Variants in CRYBG3 observed in about 807,000 individuals in gnomAD.
CRYBG3 encodes the protein crystallin beta-gamma domain containing 3, also known as very large A-kinase anchor protein.
A neutral mutation model predicts 244.2 loss-of-function variants in CRYBG3; 127 were observed. That is an observed-to-expected ratio of 0.52 (90% CI 0.45 to 0.60). The LOEUF is 0.60. Among genes scored for constraint, CRYBG3 ranks in the 20% least tolerant of loss-of-function variants. The pLI, the probability that CRYBG3 is intolerant of heterozygous loss-of-function variation, is 0.00. For missense variants in CRYBG3, 3,325 were observed against 3,442.5 expected (o/e 0.97, Z 0.85); for synonymous variants, 1,132 against 1,195.8 (o/e 0.95, Z 1.10).
At chr3:97,901,358 A>G (rs2039705193) in intron 15 of CRYBG3, among the ~76,000 whole-genome samples, 3 of 152,178 alleles carry the variant, frequency 2.0e-5, no homozygotes, top group Non-Finnish European at 4.4e-5. Flanking sequence ...CCTTTACATA[A>G]TGCTCAGTGT....
Position 97,874,293 on chromosome 3 carries a change from T to A in CRYBG3, c.3099T>A (p.Ser1033=). 1 of 1,528,982 alleles carries A rather than the reference T, an allele frequency of 6.5e-7. No individual in the cohort carries two copies. The highest frequency in any genetic ancestry group is 1.2e-5 in the South Asian group (1 of 82,008). 94.7% of individuals were successfully genotyped at this position (1,528,982 alleles called of 1,614,324 possible). ...ACTCAAGCTTCCTTAAAGTACCTTC[T>A]GTGCTGAAATTGGAAAAGAAATCCT... ...SEDSSFLKVP[S]VLKLEKKSSS... The change falls in exon 4 of 22, where the codon TCT becomes TCA. Residue 1033 remains serine, a synonymous_variant. Transcript: ENST00000389622.
chr3:97,827,976 G>A (rs1021826251), intron 1 of CRYBG3, among the ~76,000 whole-genome samples: 10 of 152,222 alleles, frequency 6.6e-5, no homozygotes, highest in Admixed American at 2.6e-4. Context: ...AGATGGACTG[G>A]GTCAGAGCTA....
intron 1 of CRYBG3, among the ~76,000 whole-genome samples, chr3:97,833,597 A>T (rs2038686694): frequency 6.6e-6 from 1 of 152,104 alleles, no homozygotes; most frequent in Admixed American, 6.6e-5. Flanking sequence ...GAGGGATAGC[A>T]TTAGGAGAAA....
chr3:97,849,165 A>C (rs2038947803), intron 2 of CRYBG3, among the ~76,000 whole-genome samples: 1 of 152,188 alleles, frequency 6.6e-6, no homozygotes. Context: ...TTTTAGAATT[A>C]ACTAAGATAA....
In CRYBG3 at chr3:97,938,419, A is replaced by G. The variant is rs537626093; in HGVS notation, c.8505+1511A>G. Among the ~76,000 whole-genome samples, 92 of 152,186 alleles carry G rather than the reference A, an allele frequency of 6.0e-4. 1 individual carries two copies. Among genetic ancestry groups the G allele is most frequent in the African/African-American group, 2.1e-3 (88 of 41,552 alleles). ...AGCTGAATATAGCCTAGTGGATCTA[A>G]ATGCTGAGGCTCTGATGTTCTGACC... is the stretch of plus-strand genomic sequence containing the variant. On this transcript the variant is annotated intron_variant, in intron 19 of 21. Coordinates refer to ENST00000389622, the MANE Select transcript of CRYBG3 (RefSeq NM_153605.4).
intron 1 of CRYBG3, among the ~76,000 whole-genome samples, chr3:97,833,802 G>A (rs1027551683): frequency 2.0e-5 from 3 of 152,128 alleles, no homozygotes; most frequent in Non-Finnish European, 4.4e-5. Context: ...GAATACCTGA[G>A]GGTGGGTAGT....
At chr3:97,915,519 C>T (rs2039919035) in intron 16 of CRYBG3, 91 bp from the exon 17 acceptor site, 3 of 1,389,132 alleles carry the variant, frequency 2.2e-6, no homozygotes, top group East Asian at 2.4e-5. Context: ...TTTCTATGCC[C>T]TACCCCTACC....
In CRYBG3 at chr3:97,874,966, C is replaced by T; in HGVS notation, c.3772C>T (p.Gln1258Ter). ...PSEVTLTEIQ[Q>*]TEGLEEQGME... ...AGAAGTGACACTAACAGAAATACAA[C>T]AGACAGAGGGTTTGGAAGAGCAAGG... The change falls in exon 4 of 22, where the codon CAG becomes TAG. Residue 1258 changes from glutamine to a stop codon, truncating the protein, a stop_gained. Transcript: ENST00000389622. LOFTEE classifies it high-confidence loss of function. 1 of 1,535,910 alleles carries T rather than the reference C, an allele frequency of 6.5e-7. No homozygotes were observed. Among genetic ancestry groups the T allele is most frequent in the African/African-American group, 1.4e-5 (1 of 73,150 alleles).
At chr3:97,910,114 T>C (rs943152746) in intron 15 of CRYBG3, among the ~76,000 whole-genome samples, 1 of 151,612 alleles carries the variant, frequency 6.6e-6, no homozygotes, top group Non-Finnish European at 1.5e-5. Context: ...TTCTCAGATC[T>C]CCAGCTGCGT....
intron 18 of CRYBG3, among the ~76,000 whole-genome samples, chr3:97,935,788 G>A (rs559512023): frequency 1.3e-4 from 20 of 152,132 alleles, no homozygotes; most frequent in African/African-American, 4.6e-4. Flanking sequence ...CTGATAAGCA[G>A]ACTACCTTGC....
chr3:97,907,921 C>T (rs1258711518), intron 15 of CRYBG3, among the ~76,000 whole-genome samples: 3 of 151,692 alleles, frequency 2.0e-5, no homozygotes, highest in East Asian at 1.9e-4. Context: ...GCTTTGAATG[C>T]GTCCCAGAGA....
chr3:97,932,307 T>C (rs1302810768), intron 17 of CRYBG3, among the ~76,000 whole-genome samples: 1 of 152,108 alleles, frequency 6.6e-6, no homozygotes, highest in Non-Finnish European at 1.5e-5. Context: ...CTTGGTGATC[T>C]TTCATAAAGA....
chr3:97,876,759 G>A lies in CRYBG3; in HGVS notation c.5565G>A (p.Glu1855=). The change falls in exon 4 of 22, where the codon GAG becomes GAA. Residue 1855 remains glutamate, a synonymous_variant. Coordinates refer to ENST00000389622, the MANE Select transcript of CRYBG3 (RefSeq NM_153605.4). ...AAATATCCCCAGAAGATCGTGGTGA[G>A]AATATTGGGAAACACAAAGTGTTAC... ...MEKISPEDRG[E]NIGKHKVLPA... is the part of the protein sequence containing the mutation. 4.8e-6 allele frequency: 6 copies of A among 1,260,862 alleles called. No individual in the cohort carries two copies. The highest frequency in any genetic ancestry group is 6.0e-6 in the Non-Finnish European group (6 of 1,005,780). 78.1% of individuals were successfully genotyped at this position (1,260,862 alleles called of 1,614,324 possible).
chr3:97,887,410 G>T (rs1385365139), intron 8 of CRYBG3, among the ~76,000 whole-genome samples: 1 of 152,116 alleles, frequency 6.6e-6, no homozygotes, highest in East Asian at 1.9e-4. Flanking sequence ...CAATTCTGGG[G>T]ACACTGTAGG....
Position 97,881,148 on chromosome 3 carries a change from G to A in CRYBG3, c.7081G>A (p.Asp2361Asn). ...AGAAGGGGAAAAGGTGTTAAATCGTGACTGGATTCTTCAGAACAGAAGGCA... is the reference window on the plus strand; with the variant it reads ...AGAAGGGGAAAAGGTGTTAAATCGTAACTGGATTCTTCAGAACAGAAGGCA... Reference protein sequence around the residue: ...LEEGEKVLNRDWILQNRRHPQ... With the variant: ...LEEGEKVLNRNWILQNRRHPQ... Residue 2361 changes from aspartate to asparagine, a missense_variant, in exon 7 of 22, where the codon GAC (aspartate) becomes AAC (asparagine). Physicochemically the swap from Asp to Asn is conservative, Grantham distance 23. This residue lies in a region of CRYBG3 where 714 missense variants were observed against 803.6 expected (regional missense o/e 0.89). Coordinates refer to ENST00000389622, the MANE Select transcript of CRYBG3 (RefSeq NM_153605.4). 6.2e-7 allele frequency: 1 copy of A among 1,612,604 alleles called. No individual in the cohort carries two copies. Among genetic ancestry groups the A allele is most frequent in the Non-Finnish European group, 8.5e-7 (1 of 1,179,090 alleles).
At chr3:97,921,649 A>G (rs747873889) in intron 17 of CRYBG3, among the ~76,000 whole-genome samples, 8 of 152,168 alleles carry the variant, frequency 5.3e-5, no homozygotes, top group East Asian at 1.9e-4. Context: ...GGTAATTTCC[A>G]GCTGCTAGCT....
chr3:97,936,962 G>A (rs1691685428), intron 19 of CRYBG3, 54 bp downstream of exon 19: 1 of 1,576,480 alleles, frequency 6.3e-7, no homozygotes, highest in Non-Finnish European at 8.7e-7. Context: ...TGGTAGAAAT[G>A]TCATAAACCA....
intron 1 of CRYBG3, among the ~76,000 whole-genome samples, chr3:97,830,926 T>C (rs1004296776): frequency 6.6e-6 from 1 of 152,172 alleles, no homozygotes; most frequent in Non-Finnish European, 1.5e-5. Context: ...ACTTTTATTC[T>C]TGGTATTCCA....
At chr3:97,850,990 G>T (rs375156780) in intron 2 of CRYBG3, among the ~76,000 whole-genome samples, 1 of 151,992 alleles carries the variant, frequency 6.6e-6, no homozygotes, top group African/African-American at 2.4e-5. Flanking sequence ...AAATTAGTTG[G>T]GCATGATGGG....
Sources: allele counts gnomAD v4.1 joint callset (sites outside exome capture counted in the v4.1 genomes callset), GRCh38; gene constraint gnomAD v4.1.1; regional missense constraint gnomAD v4.1.1; transcripts MANE v1.5; gene names NCBI Gene and HGNC (gene_info 2026-07-23, HGNC 2026-07-21).